The following CCDC180 variants were observed in gnomAD, a reference collection of about 807,000 sequenced individuals.
CCDC180 encodes coiled-coil domain-containing protein 180.
Under a neutral mutation model 209.2 loss-of-function variants are expected in CCDC180, and 154 were observed. That is an observed-to-expected ratio of 0.74 (90% confidence interval 0.65 to 0.84). CCDC180 has a LOEUF of 0.84. Among genes scored for constraint, CCDC180 ranks in the 40% least tolerant of loss-of-function variants. CCDC180 has a pLI of 0.00. For missense variants in CCDC180, 1,874 were observed against 1,997.3 expected, an observed-to-expected ratio of 0.94 and a Z score of 1.18; for synonymous variants, 778 against 749.1, an observed-to-expected ratio of 1.04 and a Z score of -0.63.
At chr9:97,330,860 C>T (rs917664434) in intron 18 of CCDC180, 93 bp downstream of exon 18, 6 of 1,185,768 alleles carry the variant, frequency 5.1e-6, no homozygotes, top group Non-Finnish European at 5.9e-6. Context: ...TCTTCAGTGG[C>T]CCAGTCTCCA....
chr9:97,371,493 G>T (rs987020942), intron 33 of CCDC180, 102 bp from the exon 34 acceptor site: 17 of 625,450 alleles, frequency 2.7e-5, no homozygotes. Context: ...ATAATGGCTT[G>T]GGTCCCCAGA....
At chr9:97,375,154 G>A (rs376381522) in intron 35 of CCDC180, among the ~76,000 whole-genome samples, 1 of 152,142 alleles carries the variant, frequency 6.6e-6, no homozygotes, top group African/African-American at 2.4e-5. Flanking sequence ...GGTGGCCACC[G>A]CCTGGCTGGC....
At position 97,365,662 on chromosome 9, in the gene CCDC180, G is replaced by A. The variant is rs1300834163; in HGVS notation, c.3981-11G>A. 2 of 1,613,502 alleles carry A rather than the reference G, an allele frequency of 1.2e-6. No homozygotes were observed. Among genetic ancestry groups the A allele is most frequent in the East Asian group, 2.2e-5 (1 of 44,878 alleles). The stretch of plus-strand genomic sequence containing the variant: ...CAGGCCCCTCAGGGATCTGTCTCGT[G>A]TGTGTTGCAGGGATTTTAAGGGGAT... On this transcript the variant is annotated splice_polypyrimidine_tract_variant and intron_variant, in intron 29 of 36. Transcript: ENST00000529487.
At chr9:97,375,926 C>T (rs1429101689) in intron 36 of CCDC180, 2 of 292,722 alleles carry the variant, frequency 6.8e-6, no homozygotes, top group African/African-American at 2.1e-5. Context: ...GCCGTAGGCT[C>T]AGGGGGGACA....
chr9:97,370,452 C>T (rs1292014262), intron 32 of CCDC180, among the ~76,000 whole-genome samples, 189 bp from the exon 33 acceptor site: 5 of 152,064 alleles, frequency 3.3e-5, no homozygotes, highest in African/African-American at 9.7e-5. Flanking sequence ...TTTTCTCTTC[C>T]AAACCCCCGA....
intron 11 of CCDC180, among the ~76,000 whole-genome samples, chr9:97,320,927 A>G (rs1339965285): frequency 6.6e-6 from 1 of 152,180 alleles, no homozygotes; most frequent in East Asian, 1.9e-4. Flanking sequence ...GTAGTGTGAA[A>G]GTGATACACA....
At chr9:97,367,284 T>TCCATTGTATG in intron 31 of CCDC180, among the ~76,000 whole-genome samples, 2 of 152,292 alleles carry the variant, frequency 1.3e-5, no homozygotes, top group African/African-American at 4.8e-5. Context: ...TATCAATGAA[T>TCCATTGTATG]AATATTCCAT....
Position 97,314,404 on chromosome 9 carries a change from T to C in CCDC180, c.471T>C (p.Pro157=). ...EIAQVGKEME[P]LIVDTGGLFL... ...CTGGCCTGTTGCAGGAAATGGAACC[T>C]CTCATCGTGGACACAGGGGGACTTT... Residue 157 remains proline (P), a synonymous_variant, in exon 6 of 37, where the codon CCT becomes CCC. Transcript: ENST00000529487. The C allele has an allele frequency of 6.2e-7, 1 of 1,614,142 alleles. No homozygotes were observed. Among genetic ancestry groups the C allele is most frequent in the Non-Finnish European group, 8.5e-7 (1 of 1,180,008 alleles).
rs369383402 is a variant in CCDC180 at position 97,313,260 on chromosome 9, C to T, written c.374C>T (p.Thr125Ile). 14 of 1,611,562 alleles carry T rather than the reference C, an allele frequency of 8.7e-6. No individual in the cohort carries two copies. The highest frequency in any genetic ancestry group is 2.7e-5 in the African/African-American group (2 of 74,842). ...TIVPEKISTSTFQRQAEHKRK... is the reference protein window; with the variant it reads ...TIVPEKISTSIFQRQAEHKRK... ...GTTCCTGAGAAGATAAGCACCAGCA[C>T]CTTTCAAAGGCAAGCAGAACACAAG... Residue 125 changes from threonine to isoleucine, a missense_variant, in exon 5 of 37, where the codon ACC becomes ATC. By Grantham distance (89) the Thr-to-Ile change is moderately conservative. Transcript: ENST00000529487.
chr9:97,358,411 C>T (rs1250466484), intron 25 of CCDC180, among the ~76,000 whole-genome samples: 2 of 152,126 alleles, frequency 1.3e-5, no homozygotes, highest in East Asian at 1.9e-4. Context: ...TGTGAGCCAT[C>T]GCATTCGGCC....
At chr9:97,347,767 C>A (rs1351062527) in intron 20 of CCDC180, 2 of 336,504 alleles carry the variant, frequency 5.9e-6, no homozygotes, top group Non-Finnish European at 1.1e-5. Flanking sequence ...TGTTTTAGCT[C>A]TTGGAACCCA....
chr9:97,349,113 G>C lies in CCDC180; in HGVS notation c.2677G>C (p.Glu893Gln). 1 of 1,534,106 alleles carries C rather than the reference G, an allele frequency of 6.5e-7. No individual in the cohort carries two copies. The highest frequency in any genetic ancestry group is 8.7e-7 in the Non-Finnish European group (1 of 1,146,182). ...CAGCTCTCTTAATCCTTTTTCAGCC[G>C]AGCTTTTGCTTCATCAAGAGCAGTT... ...EKDIHNVRAAELLLHQEQLDS... is the reference protein window; with the variant it reads ...EKDIHNVRAAQLLLHQEQLDS... Residue 893 changes from glutamate to glutamine, a missense_variant and splice_region_variant, in exon 21 of 37, where the codon GAG (glutamate) becomes CAG (glutamine). Transcript: ENST00000529487.
At position 97,330,481 on chromosome 9, in the gene CCDC180, C is replaced by A. The variant is rs1289675868; in HGVS notation, c.1988C>A (p.Ser663Tyr). 6 of 1,614,004 alleles carry A rather than the reference C, an allele frequency of 3.7e-6. No individual in the cohort carries two copies. The East Asian group carries it at 1.1e-4, about 30-fold the overall frequency. The change falls in exon 18 of 37, where the codon TCC becomes TAC. Residue 663 changes from serine to tyrosine, a missense_variant. Coordinates refer to ENST00000529487, the MANE Select transcript of CCDC180 (RefSeq NM_020893.6). ...GAAGAAAACGATCAAGAAATGGAGT[C>A]CTTCATAACTGAAGAGGTGCTGGGG... ...VEEENDQEMESFITEEVLGQQ... is the reference protein window; with the variant it reads ...VEEENDQEMEYFITEEVLGQQ...
intron 28 of CCDC180, chr9:97,363,715 C>A: frequency 2.0e-6 from 1 of 489,872 alleles, no homozygotes; most frequent in East Asian, 4.9e-5. Flanking sequence ...TCTGGCAACC[C>A]TACCTGTGGC....
At chr9:97,347,614 A>G in intron 20 of CCDC180, 125 bp downstream of exon 20, 1 of 912,532 alleles carries the variant, frequency 1.1e-6, no homozygotes. Context: ...TGTTCTCATC[A>G]CACCATGGAA....
At chr9:97,314,790 T>G in intron 7 of CCDC180, 61 bp from the exon 8 acceptor site, 1 of 1,599,980 alleles carries the variant, frequency 6.3e-7, no homozygotes, top group Non-Finnish European at 8.6e-7. Context: ...TAGGCATCCT[T>G]CTGTTTCCTT....
intron 32 of CCDC180, 69 bp downstream of exon 32, chr9:97,370,151 GT>G (rs1236025195): frequency 3.9e-6 from 6 of 1,533,976 alleles, no homozygotes; most frequent in Non-Finnish European, 5.3e-6. Context: ...ATGGTGGCAG[GT>G]TGTGGGCAGG....
At position 97,310,583 on chromosome 9, in the gene CCDC180, A is replaced by C. The variant is rs79419368; in HGVS notation, c.260+979A>C. Among the ~76,000 whole-genome samples, 382 of 151,260 alleles carry C rather than the reference A, an allele frequency of 2.5e-3. 1 individual carries two copies. Among genetic ancestry groups the C allele is most frequent in the African/African-American group, 8.7e-3 (360 of 41,150 alleles). On this transcript the variant is annotated intron_variant, in intron 3 of 36. Transcript: ENST00000529487. ...ATGGAGCAGGCGCGGTGCTCCCCTT[A>C]GGCACTTTGAGTTCTACACAAGCCA...
intron 36 of CCDC180, 28 bp from the exon 37 acceptor site, chr9:97,376,735 T>C: frequency 3.1e-6 from 5 of 1,607,236 alleles, no homozygotes; most frequent in Non-Finnish European, 3.4e-6. Context: ...TCTCCTCATG[T>C]GGACCCCTCC....
Sources: gnomAD v4.1 joint callset for allele counts (sites outside exome capture counted in the v4.1 genomes callset) on GRCh38, gnomAD v4.1.1 for gene constraint, MANE v1.5 for transcripts, NCBI Gene and HGNC (gene_info 2026-07-23, HGNC 2026-07-21) for gene names.